The following TBC1D5 variants were observed in gnomAD, a reference collection of about 807,000 sequenced individuals.
TBC1D5 encodes TBC1 domain family, member 5.
In TBC1D5, 75 loss-of-function variants were observed where a neutral mutation model predicts 100.3. That is an observed-to-expected ratio of 0.75 (90% CI 0.62 to 0.91). TBC1D5 has a LOEUF of 0.91. Among genes scored for constraint, TBC1D5 ranks in the 40% least tolerant of loss-of-function variants. The pLI, the probability that TBC1D5 is intolerant of heterozygous loss-of-function variation, is 0.00. For synonymous variants in TBC1D5, 323 were observed against 325.6 expected (o/e 0.99, Z 0.09); for missense variants, 910 against 942.4 (o/e 0.97, Z 0.45).
intron 14 of TBC1D5, among the ~76,000 whole-genome samples, chr3:17,292,810 T>G (rs998593506): frequency 1.3e-5 from 2 of 152,232 alleles, no homozygotes; most frequent in African/African-American, 2.4e-5. Context: ...GAAGAAACTT[T>G]ACAGTTTTAA....
chr3:17,732,314 T>C (rs916045309), intron 1 of TBC1D5, among the ~76,000 whole-genome samples: 3 of 151,362 alleles, frequency 2.0e-5, no homozygotes, highest in Admixed American at 6.6e-5. Context: ...CGAGACTCCA[T>C]CTCAAAAAAC....
At chr3:17,454,613 C>G (rs191843997) in intron 3 of TBC1D5, among the ~76,000 whole-genome samples, 1 of 152,208 alleles carries the variant, frequency 6.6e-6, no homozygotes, top group East Asian at 1.9e-4. Flanking sequence ...GTGCCCGCCA[C>G]CATGCCTGGT....
At chr3:17,363,004 T>G (rs551647615) in intron 13 of TBC1D5, among the ~76,000 whole-genome samples, 33 of 149,016 alleles carry the variant, frequency 2.2e-4, no homozygotes, top group African/African-American at 7.5e-4. Context: ...TTAGTCTTGC[T>G]AGTGTCTGTC....
At chr3:17,490,091 T>C (rs1028822793) in intron 3 of TBC1D5, among the ~76,000 whole-genome samples, 1 of 152,224 alleles carries the variant, frequency 6.6e-6, no homozygotes, top group Non-Finnish European at 1.5e-5. Context: ...ATTTCTCTAA[T>C]GATCAATGAT....
At chr3:17,165,934 G>A (rs2066546356) in intron 21 of TBC1D5, among the ~76,000 whole-genome samples, 1 of 152,140 alleles carries the variant, frequency 6.6e-6, no homozygotes, top group African/African-American at 2.4e-5. Flanking sequence ...GAGCCTGTAT[G>A]TGTCCTCTGG....
At chr3:17,221,267 T>G (rs949581896) in intron 17 of TBC1D5, among the ~76,000 whole-genome samples, 1 of 151,950 alleles carries the variant, frequency 6.6e-6, no homozygotes, top group Non-Finnish European at 1.5e-5. Flanking sequence ...AACCTAATCC[T>G]GTGAGTTCTT....
chr3:17,444,040 C>T (rs2149586622), intron 3 of TBC1D5, among the ~76,000 whole-genome samples: 1 of 152,096 alleles, frequency 6.6e-6, no homozygotes, highest in South Asian at 2.1e-4. Flanking sequence ...CATTGAAATA[C>T]AGTTACAGCT....
chr3:17,315,415 G>A (rs2084571449), intron 13 of TBC1D5, among the ~76,000 whole-genome samples: 1 of 152,218 alleles, frequency 6.6e-6, no homozygotes, highest in South Asian at 2.1e-4. Context: ...CCATGTAGAA[G>A]CCCCATGATA....
At chr3:17,583,800 T>C (rs2096715686) in intron 2 of TBC1D5, among the ~76,000 whole-genome samples, 1 of 152,158 alleles carries the variant, frequency 6.6e-6, no homozygotes, top group South Asian at 2.1e-4. Context: ...AGTTTGATGG[T>C]TCCTCAAAAA....
At chr3:17,243,570 TA>T (rs1247304026) in intron 16 of TBC1D5, among the ~76,000 whole-genome samples, 3 of 152,110 alleles carry the variant, frequency 2.0e-5, no homozygotes, top group African/African-American at 7.2e-5. Flanking sequence ...CAATTTAAAA[TA>T]ATCTCAACAG....
intron 2 of TBC1D5, among the ~76,000 whole-genome samples, chr3:17,616,443 T>A (rs1213610653): frequency 7.2e-5 from 11 of 152,162 alleles, no homozygotes; most frequent in Non-Finnish European, 1.5e-5. Flanking sequence ...TGGATATCTT[T>A]GTTAACCTTC....
At chr3:17,555,384 A>T (rs1370644459) in intron 2 of TBC1D5, among the ~76,000 whole-genome samples, 1 of 152,198 alleles carries the variant, frequency 6.6e-6, no homozygotes, top group East Asian at 1.9e-4. Flanking sequence ...TGTGAGGTAT[A>T]CACTGGTTCT....
At chr3:17,449,386 T>C (rs1190513186) in intron 3 of TBC1D5, among the ~76,000 whole-genome samples, 3 of 152,016 alleles carry the variant, frequency 2.0e-5, no homozygotes, top group African/African-American at 4.8e-5. Context: ...AGAGAGAGAA[T>C]TGTTCACTCC....
exon 22 of TBC1D5, chr3:17,160,839 T>A (rs1398938852): frequency 1.6e-6 from 2 of 1,274,650 alleles, no homozygotes; most frequent in East Asian, 5.1e-5. Context: ...GCTGGACCAA[T>A]GCAAAATGCA....
chr3:17,211,290 T>C (rs1201820406), intron 18 of TBC1D5, among the ~76,000 whole-genome samples: 2 of 152,226 alleles, frequency 1.3e-5, no homozygotes, highest in Non-Finnish European at 2.9e-5. Context: ...GTCTTTTGCC[T>C]AGAGAAAACC....
chr3:17,231,374 T>C (rs1468684811), intron 17 of TBC1D5, among the ~76,000 whole-genome samples: 3 of 152,100 alleles, frequency 2.0e-5, no homozygotes, highest in African/African-American at 7.2e-5. Flanking sequence ...TGAATAATTC[T>C]CTAAAAATTA....
intron 3 of TBC1D5, among the ~76,000 whole-genome samples, chr3:17,481,946 C>T (rs1165933064): frequency 1.3e-5 from 2 of 152,114 alleles, no homozygotes; most frequent in East Asian, 1.9e-4. Flanking sequence ...TTACTATGTT[C>T]GCCAGGGTGG....
chr3:17,258,477 A>G, intron 16 of TBC1D5, 29 bp downstream of exon 16: 2 of 1,592,138 alleles, frequency 1.3e-6, no homozygotes, highest in South Asian at 1.1e-5. Context: ...TTTGTGATTT[A>G]TAACTATCAT....
chr3:17,709,820 C>T (rs1464523213), intron 1 of TBC1D5, among the ~76,000 whole-genome samples: 1 of 152,086 alleles, frequency 6.6e-6, no homozygotes, highest in Non-Finnish European at 1.5e-5. Flanking sequence ...ACAAAAAAGT[C>T]ATGTACTTGA....
Sources: gnomAD v4.1 joint callset for allele counts (sites outside exome capture counted in the v4.1 genomes callset) on GRCh38, gnomAD v4.1.1 for gene constraint, MANE v1.5 for transcripts, NCBI Gene and HGNC (gene_info 2026-07-23, HGNC 2026-07-21) for gene names.